Variants in BNC2 observed in about 807,000 individuals in gnomAD.
BNC2 encodes the protein zinc finger protein basonuclin-2.
BNC2 carries 20 observed loss-of-function variants against 76.3 expected under a neutral mutation model. The observed-to-expected ratio is 0.26, with a 90% CI of 0.18 to 0.38. The LOEUF (loss-of-function observed/expected upper bound fraction) is 0.38. Among genes scored for constraint, BNC2 ranks in the 10% least tolerant of loss-of-function variants. BNC2 has a pLI of 1.00. For missense variants in BNC2, 1,382 were observed against 1,399.8 expected (o/e 0.99, Z 0.20); for synonymous variants, 582 against 514.8 (o/e 1.13, Z -1.77).
chr9:16,760,782 T>C (rs1554724565), intron 1 of BNC2, among the ~76,000 whole-genome samples: 1 of 151,992 alleles, frequency 6.6e-6, no homozygotes, highest in Admixed American at 6.6e-5. Context: ...TTAAATTGTG[T>C]TTGAATTCTA....
chr9:16,498,278 TATATATATATATTCCATC>T (rs1822442824), intron 5 of BNC2, among the ~76,000 whole-genome samples: 1 of 108,550 alleles, frequency 9.2e-6, no homozygotes, highest in African/African-American at 3.3e-5. Context: ...TATTCCATCA[TATATATATATATTCCATC>T]ATATATATAT....
chr9:16,432,454 C>G (rs1031867815), intron 6 of BNC2, among the ~76,000 whole-genome samples: 1 of 152,220 alleles, frequency 6.6e-6, no homozygotes, highest in African/African-American at 2.4e-5. Flanking sequence ...ACATGCCTAT[C>G]TGGAGACCAA....
intron 1 of BNC2, among the ~76,000 whole-genome samples, chr9:16,769,949 C>T (rs1452687545): frequency 6.6e-6 from 1 of 152,108 alleles, no homozygotes; most frequent in Non-Finnish European, 1.5e-5. Flanking sequence ...AGAGAAATTT[C>T]CCAGGCCTTG....
chr9:16,424,579 GT>G (rs1249172805), intron 6 of BNC2, among the ~76,000 whole-genome samples: 1 of 152,020 alleles, frequency 6.6e-6, no homozygotes, highest in African/African-American at 2.4e-5. Context: ...TATACATAGC[GT>G]AACAATAACA....
intron 5 of BNC2, among the ~76,000 whole-genome samples, chr9:16,506,649 C>G (rs1452228043): frequency 1.3e-5 from 2 of 151,556 alleles, no homozygotes; most frequent in Non-Finnish European, 2.9e-5. Context: ...CCTCAGCCTC[C>G]CGAGTAGCTG....
chr9:16,493,924 G>A (rs980039334), intron 5 of BNC2, among the ~76,000 whole-genome samples: 1 of 152,178 alleles, frequency 6.6e-6, no homozygotes, highest in South Asian at 2.1e-4. Flanking sequence ...TGTAGGACAT[G>A]AAGAAGTCTG....
chr9:16,823,439 A>T (rs1263025777), intron 1 of BNC2, among the ~76,000 whole-genome samples: 1 of 150,800 alleles, frequency 6.6e-6, no homozygotes. Context: ...AAAAAAAAAA[A>T]AAAAAATTAA....
At chr9:16,642,243 A>G (rs956882398) in intron 3 of BNC2, among the ~76,000 whole-genome samples, 16 of 152,200 alleles carry the variant, frequency 1.1e-4, no homozygotes, top group African/African-American at 3.4e-4. Context: ...TTTTAAGGAA[A>G]AGGAGAAAGA....
At chr9:16,743,806 G>C (rs374670666) in intron 1 of BNC2, among the ~76,000 whole-genome samples, 2 of 152,192 alleles carry the variant, frequency 1.3e-5, no homozygotes, top group Non-Finnish European at 2.9e-5. Context: ...TCCATACCAA[G>C]TGAGTAAACC....
In BNC2 at chr9:16,820,740, G is replaced by T. The variant is rs1818305427; in HGVS notation, c.3+49906C>A. On this transcript the variant is annotated intron_variant, in intron 1 of 6. Transcript: ENST00000380672. Reference sequence around the variant, plus strand: ...TAGAGATCATGTTATATAAACAAGTGGTCTTTTTTGAAGTTGACAAACAAC... The same window carrying T: ...TAGAGATCATGTTATATAAACAAGTTGTCTTTTTTGAAGTTGACAAACAAC... Among the ~76,000 whole-genome samples the T allele has an allele frequency of 2.0e-5, 3 of 151,802 alleles. No individual in the cohort carries two copies. In the South Asian group the frequency reaches 6.2e-4, roughly 32 times the overall value.
intron 1 of BNC2, among the ~76,000 whole-genome samples, chr9:16,831,657 G>T (rs920220258): frequency 1.3e-5 from 2 of 152,144 alleles, no homozygotes; most frequent in African/African-American, 4.8e-5. Context: ...AAGTATTCAA[G>T]TTCCAAGAGT....
intron 3 of BNC2, among the ~76,000 whole-genome samples, chr9:16,666,916 A>C (rs1290779352): frequency 6.6e-6 from 1 of 152,042 alleles, no homozygotes; most frequent in Non-Finnish European, 1.5e-5. Flanking sequence ...GCTTCAGTCT[A>C]CAGTTAAAAA....
intron 1 of BNC2, among the ~76,000 whole-genome samples, chr9:16,778,025 T>C (rs1022133095): frequency 2.0e-4 from 31 of 152,344 alleles, no homozygotes; most frequent in Non-Finnish European, 3.4e-4. Context: ...TAGATGTGTA[T>C]AGAATAAAGA....
At chr9:16,566,531 G>C (rs1167632926) in intron 4 of BNC2, among the ~76,000 whole-genome samples, 4 of 152,082 alleles carry the variant, frequency 2.6e-5, no homozygotes, top group African/African-American at 9.7e-5. Flanking sequence ...TTTCTTACTA[G>C]GTCAAGTATT....
intron 1 of BNC2, among the ~76,000 whole-genome samples, chr9:16,806,479 A>T (rs1342306082): frequency 6.6e-6 from 1 of 152,248 alleles, no homozygotes; most frequent in East Asian, 1.9e-4. Context: ...GAATTTAAGC[A>T]AAGTTTAGCT....
chr9:16,473,909 G>C (rs1821877433), intron 5 of BNC2, among the ~76,000 whole-genome samples: 1 of 152,008 alleles, frequency 6.6e-6, no homozygotes, highest in African/African-American at 2.4e-5. Flanking sequence ...ATTTAAAAAA[G>C]ATACGATGAT....
intron 3 of BNC2, among the ~76,000 whole-genome samples, chr9:16,616,426 G>C (rs2133507208): frequency 6.6e-6 from 1 of 151,922 alleles, no homozygotes; most frequent in East Asian, 2.0e-4. Context: ...GCCAGACATG[G>C]TAGCTCACAC....
chr9:16,680,613 G>C (rs1353833446), intron 3 of BNC2, among the ~76,000 whole-genome samples: 2 of 151,564 alleles, frequency 1.3e-5, no homozygotes, highest in African/African-American at 2.4e-5. Flanking sequence ...GGGAATAAGG[G>C]GCCTTTCCAT....
At chr9:16,862,091 G>A (rs1221705844) in intron 1 of BNC2, among the ~76,000 whole-genome samples, 5 of 152,168 alleles carry the variant, frequency 3.3e-5, no homozygotes, top group South Asian at 4.2e-4. Flanking sequence ...CTGCAGTTGC[G>A]TTGGAAAACA....
Sources: allele counts gnomAD v4.1 joint callset (sites outside exome capture counted in the v4.1 genomes callset), GRCh38; gene constraint gnomAD v4.1.1; transcripts MANE v1.5; gene names NCBI Gene and HGNC (gene_info 2026-07-23, HGNC 2026-07-21).